Variants in ASZ1 observed in about 807,000 individuals in gnomAD.
ASZ1 encodes ankyrin repeat, SAM and basic leucine zipper domain containing 1.
In ASZ1, 67 loss-of-function variants were observed where a neutral mutation model predicts 61.8. The observed-to-expected ratio is 1.08, with a 90% CI of 0.89 to 1.33. The LOEUF (loss-of-function observed/expected upper bound fraction) is 1.33. Ranked by LOEUF, ASZ1 falls within the 40% of genes most tolerant of loss-of-function variation. The pLI, the probability that ASZ1 is intolerant of heterozygous loss-of-function variation, is 0.00. For synonymous variants in ASZ1, 193 were observed against 192.7 expected (o/e 1.00, Z -0.01); for missense variants, 577 against 554.5 (o/e 1.04, Z -0.41).
chr7:117,368,463 C>A, intron 11 of ASZ1, 149 bp downstream of exon 11: 2 of 1,380,638 alleles, frequency 1.4e-6, no homozygotes, highest in Non-Finnish European at 9.3e-7. Context: ...TAATATTAAA[C>A]AAATTGACTT....
chr7:117,376,099 C>A (rs548661050), intron 10 of ASZ1, among the ~76,000 whole-genome samples: 5 of 151,952 alleles, frequency 3.3e-5, no homozygotes, highest in Admixed American at 1.3e-4. Flanking sequence ...AGACAGAAAT[C>A]GCCAATATAA....
rs556294174 is a variant in ASZ1 at position 117,426,151 on chromosome 7, A to G, written c.205+685T>C. On this transcript the variant is annotated intron_variant, in intron 2 of 12. Transcript: ENST00000284629. ...CCACCAGTACAAAACAAAAAACTGT[A>G]ACGAGAAAGAACTAAAATGTAGAAC... Among the ~76,000 whole-genome samples, 183 of 152,206 alleles carry G rather than the reference A, an allele frequency of 1.2e-3. 1 individual carries two copies. Among genetic ancestry groups the G allele is most frequent in the Non-Finnish European group, 2.0e-3 (137 of 67,994 alleles).
At chr7:117,383,693 A>C in intron 6 of ASZ1, among the ~76,000 whole-genome samples, 1 of 152,044 alleles carries the variant, frequency 6.6e-6, no homozygotes, top group Non-Finnish European at 1.5e-5. Flanking sequence ...AAAATACAAG[A>C]TCAAATCTCA....
rs772592503 is a variant in ASZ1 at position 117,420,206 on chromosome 7, C to A, written c.397G>T (p.Glu133Ter). 41 of 1,612,364 alleles carry A rather than the reference C, an allele frequency of 2.5e-5. No individual in the cohort carries two copies. Among genetic ancestry groups the A allele is most frequent in the Non-Finnish European group, 2.8e-5 (33 of 1,179,646 alleles). ...GSEEQILKCV[E>*]LLLSRNADPN... Reference sequence around the variant, plus strand: ...TCAGCATTTCTTGAAAGTAGTAGTTCTACACACTTCAAGATCTGTTCCTCT... The same window carrying A: ...TCAGCATTTCTTGAAAGTAGTAGTTATACACACTTCAAGATCTGTTCCTCT... The change falls in exon 4 of 13, where the codon GAA (glutamate) becomes TAA (stop). Residue 133 changes from glutamate (E) to a stop codon, truncating the protein, a stop_gained. Coordinates refer to ENST00000284629, the MANE Select transcript of ASZ1 (RefSeq NM_130768.3). LOFTEE classifies it high-confidence loss of function.
chr7:117,388,708 T>C (rs982182599), intron 4 of ASZ1, among the ~76,000 whole-genome samples: 7 of 152,148 alleles, frequency 4.6e-5, no homozygotes, highest in African/African-American at 1.7e-4. Flanking sequence ...AAAGAGTACT[T>C]TCCCCCAACA....
At position 117,367,381 on chromosome 7, in the gene ASZ1, C is replaced by T. The variant is rs773182626; in HGVS notation, c.1246G>A (p.Val416Ile). The part of the protein sequence containing the change: ...VNNVEDLSEK[V>I]CKLKDLIQKL... ...TGAATTAGGTCTTTTAGTTTGCAGACCTTTTCACTCAAATCTTCAACATTA... is the reference window on the plus strand; with the variant it reads ...TGAATTAGGTCTTTTAGTTTGCAGATCTTTTCACTCAAATCTTCAACATTA... The change falls in exon 12 of 13, where the codon GTC becomes ATC. Residue 416 changes from valine (V) to isoleucine (I), a missense_variant. By Grantham distance (29) the Val-to-Ile change is conservative. Coordinates refer to ENST00000284629, the MANE Select transcript of ASZ1 (RefSeq NM_130768.3). 2.6e-6 allele frequency: 4 copies of T among 1,557,788 alleles called. No homozygotes were observed. The Admixed American group carries it at 5.8e-5, about 23-fold the overall frequency.
intron 4 of ASZ1, among the ~76,000 whole-genome samples, chr7:117,397,002 TACA>T (rs997106769): frequency 1.8e-4 from 28 of 151,680 alleles, no homozygotes; most frequent in Non-Finnish European, 2.9e-4. Context: ...AAATAGCATC[TACA>T]ACATGTATTA....
intron 11 of ASZ1, chr7:117,367,803 T>C: frequency 1.0e-6 from 1 of 988,426 alleles, no homozygotes; most frequent in East Asian, 1.1e-4. Context: ...GGAAAACAAG[T>C]GCATTAAAAA....
chr7:117,421,212 C>T (rs1016898897), intron 3 of ASZ1, among the ~76,000 whole-genome samples: 2 of 152,120 alleles, frequency 1.3e-5, no homozygotes, highest in African/African-American at 2.4e-5. Flanking sequence ...GCATAGCTTT[C>T]ATTGAGTAAT....
rs948048665 is a variant in ASZ1 at position 117,368,792 on chromosome 7, C to G, written c.1056-75G>C. The G allele has an allele frequency of 3.8e-6, 6 of 1,584,844 alleles. No homozygotes were observed. In the Admixed American group the frequency reaches 7.5e-5, roughly 20 times the overall value. ...TTATTTCATTCTACTAGGCAAGTTA[C>G]TGAAAATCTAGTCATAAAATTAGAT... On this transcript the variant is annotated intron_variant, in intron 10 of 12. Coordinates refer to ENST00000284629, the MANE Select transcript of ASZ1 (RefSeq NM_130768.3).
At chr7:117,420,405 G>A in intron 3 of ASZ1, 131 bp from the exon 4 acceptor site, 1 of 554,378 alleles carries the variant, frequency 1.8e-6, no homozygotes. Context: ...CTCACTCTTA[G>A]CAGGTAACTT....
At chr7:117,386,412 A>G (rs1796356732) in intron 4 of ASZ1, among the ~76,000 whole-genome samples, 1 of 152,174 alleles carries the variant, frequency 6.6e-6, no homozygotes, top group Admixed American at 6.6e-5. Flanking sequence ...ACTTTCTGGG[A>G]GAGGATAGTG....
intron 4 of ASZ1, among the ~76,000 whole-genome samples, chr7:117,393,299 T>C (rs1387821483): frequency 6.6e-6 from 1 of 152,238 alleles, no homozygotes; most frequent in Non-Finnish European, 1.5e-5. Context: ...TTATTCTATA[T>C]CTTTATTTTT....
intron 4 of ASZ1, among the ~76,000 whole-genome samples, chr7:117,389,268 C>T (rs1796417697): frequency 6.6e-6 from 1 of 151,662 alleles, no homozygotes; most frequent in African/African-American, 2.4e-5. Flanking sequence ...TCTATTAATC[C>T]CACCACCCAA....
Position 117,422,284 on chromosome 7 carries a change from A to G in ASZ1, c.281T>C (p.Leu94Pro). ...ACCTCTGTCCAAAAGGACCCGAACCAGCTCTGCATTGGCAACACTAGCAGC... is the reference window on the plus strand; with the variant it reads ...ACCTCTGTCCAAAAGGACCCGAACCGGCTCTGCATTGGCAACACTAGCAGC... ...MYAASVANAE[L>P]VRVLLDRGAN... Residue 94 changes from leucine (L) to proline (P), a missense_variant, in exon 3 of 13, where the codon CTG becomes CCG. Leu to Pro is a moderately conservative substitution (Grantham distance 98). Transcript: ENST00000284629. 1 of 1,613,954 alleles carries G rather than the reference A, an allele frequency of 6.2e-7. No homozygotes were observed. The highest frequency in any genetic ancestry group is 1.1e-5 in the South Asian group (1 of 91,062).
At chr7:117,367,539 T>C (rs1263984638) in intron 11 of ASZ1, 74 bp from the exon 12 acceptor site, 3 of 1,264,030 alleles carry the variant, frequency 2.4e-6, no homozygotes, top group Non-Finnish European at 2.0e-6. Flanking sequence ...ACAAAGATTA[T>C]ACAACATTCT....
intron 2 of ASZ1, among the ~76,000 whole-genome samples, chr7:117,426,385 G>C (rs550985071): frequency 4.2e-4 from 63 of 149,838 alleles, no homozygotes; most frequent in Non-Finnish European, 1.9e-4. Flanking sequence ...AGCTACTCAG[G>C]AGGGTGAGGC....
intron 2 of ASZ1, among the ~76,000 whole-genome samples, chr7:117,426,630 T>A (rs1258411461): frequency 6.6e-6 from 1 of 151,746 alleles, no homozygotes; most frequent in African/African-American, 2.4e-5. Flanking sequence ...GAAGAACTGA[T>A]GGAAGATAAA....
At chr7:117,390,503 G>A (rs1796443780) in intron 4 of ASZ1, among the ~76,000 whole-genome samples, 1 of 152,054 alleles carries the variant, frequency 6.6e-6, no homozygotes, top group Non-Finnish European at 1.5e-5. Flanking sequence ...AACATAATGA[G>A]TGCAGTGTCT....
Sources: gnomAD v4.1 joint callset for allele counts (sites outside exome capture counted in the v4.1 genomes callset) on GRCh38, gnomAD v4.1.1 for gene constraint, MANE v1.5 for transcripts, NCBI Gene and HGNC (gene_info 2026-07-23, HGNC 2026-07-21) for gene names.